WDR81: variants seen among roughly 807,000 people sequenced by gnomAD.
WDR81 encodes the protein WD repeat domain 81, also known as WD repeat-containing protein 81.
In WDR81, 92 loss-of-function variants were observed where a neutral mutation model predicts 140.8. That is an observed-to-expected ratio of 0.65 (90% CI 0.55 to 0.78). The LOEUF (loss-of-function observed/expected upper bound fraction) is 0.78. Among genes scored for constraint, WDR81 ranks in the 30% least tolerant of loss-of-function variants. The pLI is 0.00. For missense variants in WDR81, 2,502 were observed against 2,636.4 expected, an observed-to-expected ratio of 0.95 and a Z score of 1.12; for synonymous variants, 1,183 against 1,156.4, an observed-to-expected ratio of 1.02 and a Z score of -0.47.
rs1310 is a variant in WDR81 at position 1,738,421 on chromosome 17, G to T, written c.*736G>T. ...GGGCTCCACGACCCTGAGAGAAGGG[G>T]TGAGAAGAATCATCTCTGCACCTCG... is the stretch of plus-strand genomic sequence containing the variant. On this transcript the variant is annotated 3_prime_UTR_variant, in exon 10 of 10. Coordinates refer to ENST00000409644, the MANE Select transcript of WDR81 (RefSeq NM_001163809.2). 34,399 of 153,106 alleles carry T rather than the reference G, an allele frequency of 0.22. 3,900 individuals are homozygous for T. Among genetic ancestry groups the T allele is most frequent in the South Asian group, 0.39 (1,883 of 4,846 alleles). The allele number at this position is 153,106 out of a possible 1,614,324, so 9.5% of individuals were successfully genotyped here.
chr17:1,722,875 A>C (rs1447325133), upstream of WDR81, among the ~76,000 whole-genome samples: 1 of 151,232 alleles, frequency 6.6e-6, no homozygotes, highest in Non-Finnish European at 1.5e-5. Context: ...TTGTGTTTTT[A>C]GTAGAGATGG....
intron 6 of WDR81, chr17:1,733,108 G>T: frequency 2.1e-6 from 1 of 485,464 alleles, no homozygotes; most frequent in Middle Eastern, 5.2e-4. Flanking sequence ...AGGAGCTGGC[G>T]AGAGGGAAGG....
At position 1,730,886 on chromosome 17, in the gene WDR81, G is replaced by T; in HGVS notation, c.3907G>T (p.Ala1303Ser). 1 of 1,613,000 alleles carries T rather than the reference G, an allele frequency of 6.2e-7. No homozygotes were observed. Among genetic ancestry groups the T allele is most frequent in the Non-Finnish European group, 8.5e-7 (1 of 1,179,974 alleles). The change falls in exon 3 of 10, where the codon GCC (alanine) becomes TCC (serine). Residue 1303 changes from alanine (A) to serine (S), a missense_variant. Transcript: ENST00000409644. The part of the protein sequence containing the change: ...GPVLSCLLHI[A>S]RLYGEPVLTY... ...TGTGCTCAGCTGCCTCCTCCACATC[G>T]CCCGCCTGTATGGGGAGCCTGTCCT...
At chr17:1,721,096 G>A (rs956873974), upstream of WDR81, among the ~76,000 whole-genome samples, 2 of 152,120 alleles carry the variant, frequency 1.3e-5, no homozygotes, top group Non-Finnish European at 2.9e-5. Context: ...TAAGAAGCAA[G>A]CACTACCTTC....
rs200381666 is a variant in WDR81 at position 1,725,786 on chromosome 17, G to A, written c.827G>A (p.Arg276His). The change falls in exon 1 of 10, where the codon CGC (arginine) becomes CAC (histidine). Residue 276 changes from arginine (R) to histidine (H), a missense_variant. Arg to His is a conservative substitution (Grantham distance 29). This residue lies in a region of WDR81 where 547 missense variants were observed against 513.8 expected (regional missense o/e 1.06). Transcript: ENST00000409644. ...CTGAGGGCTATGGACGCCTGTCACC[G>A]CCAGGGGCTGGCGTGTGGGGCCCTG... ...RVLRAMDACH[R>H]QGLACGALSL... The A allele has an allele frequency of 6.3e-5, 97 of 1,550,518 alleles. No individual in the cohort carries two copies. Among genetic ancestry groups the A allele is most frequent in the East Asian group, 1.5e-4 (6 of 40,938 alleles).
rs867454046 is a variant in WDR81 at position 1,725,682 on chromosome 17, C to T, written c.723C>T (p.Ser241=). 4.5e-6 allele frequency: 7 copies of T among 1,548,900 alleles called. No individual in the cohort carries two copies. In the Middle Eastern group the frequency reaches 8.3e-4, roughly 185 times the overall value. ...TGGTACACCCTTACGTACAGTTCTCCCTACATGACGTGGTCACCTTCAGCC... is the reference window on the plus strand; with the variant it reads ...TGGTACACCCTTACGTACAGTTCTCTCTACATGACGTGGTCACCTTCAGCC... ...LYVVHPYVQF[S]LHDVVTFSPA... The change falls in exon 1 of 10, where the codon TCC becomes TCT. Residue 241 remains serine (S), a synonymous_variant. Transcript: ENST00000409644.
At chr17:1,724,504 A>G (rs3887549), upstream of WDR81, 202,038 of 985,554 alleles carry the variant, frequency 0.2, 23,130 homozygotes, top group African/African-American at 0.48. Context: ...GTGGGGCGGT[A>G]GGCATCGCCC....
At chr17:1,732,985 C>A in intron 6 of WDR81, 154 bp downstream of exon 6, 1 of 906,716 alleles carries the variant, frequency 1.1e-6, no homozygotes, top group Non-Finnish European at 1.6e-6. Context: ...CCCCTACCCC[C>A]AAGGTGACAC....
intron 1 of WDR81, among the ~76,000 whole-genome samples, chr17:1,718,503 A>G (rs1914709170): frequency 6.6e-6 from 1 of 152,210 alleles, no homozygotes; most frequent in African/African-American, 2.4e-5. Context: ...TGCCCTGCCC[A>G]CATGGCCACC....
chr17:1,730,001 A>AG, intron 1 of WDR81, among the ~76,000 whole-genome samples: 1 of 134,108 alleles, frequency 7.5e-6, no homozygotes, highest in East Asian at 2.4e-4. Flanking sequence ...AAAAAAAAAA[A>AG]AAAAGAAGAA....
upstream of WDR81, among the ~76,000 whole-genome samples, chr17:1,723,100 T>TG (rs1914962423): frequency 6.6e-6 from 1 of 152,322 alleles, no homozygotes; most frequent in Admixed American, 6.5e-5. Flanking sequence ...ACAGGGCCAG[T>TG]GGTTTCACTG....
At chr17:1,721,209 T>C (rs1252894042), upstream of WDR81, among the ~76,000 whole-genome samples, 1 of 151,868 alleles carries the variant, frequency 6.6e-6, no homozygotes, top group Non-Finnish European at 1.5e-5. Context: ...AAATATAAAA[T>C]TTAGCTAGGC....
intron 1 of WDR81, among the ~76,000 whole-genome samples, chr17:1,717,924 G>T (rs1394498217): frequency 1.3e-5 from 2 of 152,126 alleles, no homozygotes; most frequent in African/African-American, 4.8e-5. Flanking sequence ...TGGCGCTGGG[G>T]AGGGTACAGT....
In WDR81 at chr17:1,726,902, C is replaced by G. The variant is rs1915314892; in HGVS notation, c.1943C>G (p.Thr648Ser). The change falls in exon 1 of 10, where the codon ACC becomes AGC. Residue 648 changes from threonine to serine, a missense_variant. This residue lies in a region of WDR81 where 1,737 missense variants were observed against 1,843.0 expected (regional missense o/e 0.94). Coordinates refer to ENST00000409644, the MANE Select transcript of WDR81 (RefSeq NM_001163809.2). The part of the protein sequence containing the change: ...LEATPCEASW[T>S]RDRPVAGEDD... ...GCCACTCCCTGTGAGGCTAGCTGGA[C>G]CAGAGACAGGCCGGTGGCAGGAGAA... 18 of 1,550,452 alleles carry G rather than the reference C, an allele frequency of 1.2e-5. No homozygotes were observed. Among genetic ancestry groups the G allele is most frequent in the Non-Finnish European group, 1.6e-5 (18 of 1,146,976 alleles).
At position 1,733,851 on chromosome 17, in the gene WDR81, A is replaced by T. The variant is rs1242024861; in HGVS notation, c.4814A>T (p.Glu1605Val). The T allele has an allele frequency of 1.2e-6, 2 of 1,612,676 alleles. No individual in the cohort carries two copies. Among genetic ancestry groups the T allele is most frequent in the Non-Finnish European group, 1.7e-6 (2 of 1,179,892 alleles). The stretch of plus-strand genomic sequence containing the variant: ...AGCGACGACAACGCCCTGAAGCAGG[A>T]GCTGCCGCGGAGCGTGCACGGGCTG... Reference protein sequence around the residue: ...SGSDDNALKQELPRSVHGLSG... With the variant: ...SGSDDNALKQVLPRSVHGLSG... The change falls in exon 7 of 10, where the codon GAG becomes GTG. Residue 1605 changes from glutamate (E) to valine (V), a missense_variant. Glu to Val is a moderately radical substitution (Grantham distance 121, BLOSUM62 -2). Around this residue, in one of 3 missense-constraint regions of WDR81, gnomAD observed 1,737 missense variants for 1,843.0 expected, o/e 0.94. Transcript: ENST00000409644.
chr17:1,736,331 T>A lies in WDR81; in HGVS notation c.5505+113T>A, dbSNP rs1344887624. 3 of 1,285,096 alleles carry A rather than the reference T, an allele frequency of 2.3e-6. No homozygotes were observed. The East Asian group carries it at 7.7e-5, about 33-fold the overall frequency. The allele number at this position is 1,285,096 out of a possible 1,614,324, so 79.6% of individuals were successfully genotyped here. On this transcript the variant is annotated intron_variant, in intron 9 of 9. Transcript: ENST00000409644. Reference sequence around the variant, plus strand: ...CAGGCTCGAACTGGTCTGTCTTATATACCTGGTCCAGGACTAACTGGGCAG... The same window carrying A: ...CAGGCTCGAACTGGTCTGTCTTATAAACCTGGTCCAGGACTAACTGGGCAG...
At chr17:1,720,125 C>T (rs541242000), upstream of WDR81, among the ~76,000 whole-genome samples, 2 of 152,356 alleles carry the variant, frequency 1.3e-5, no homozygotes, top group African/African-American at 4.8e-5. Context: ...GCAGCTGGTG[C>T]ACTACTTTTC....
At chr17:1,737,245 C>A in intron 9 of WDR81, 120 bp from the exon 10 acceptor site, 1 of 979,572 alleles carries the variant, frequency 1.0e-6, no homozygotes, top group Non-Finnish European at 1.5e-6. Flanking sequence ...CGGCTTGTCA[C>A]CCACCCAGGA....
At chr17:1,731,010 C>T (rs1340884119) in intron 3 of WDR81, 58 bp from the exon 4 acceptor site, 5 of 1,604,752 alleles carry the variant, frequency 3.1e-6, no homozygotes, top group African/African-American at 1.3e-5. Context: ...GGCCCGGGCT[C>T]TCTTGGTGCC....
Sources: allele counts gnomAD v4.1 joint callset (sites outside exome capture counted in the v4.1 genomes callset), GRCh38; gene constraint gnomAD v4.1.1; regional missense constraint gnomAD v4.1.1; transcripts MANE v1.5; gene names NCBI Gene and HGNC (gene_info 2026-07-23, HGNC 2026-07-21).